The following VWA5A variants were observed in gnomAD, a reference collection of about 807,000 sequenced individuals.
VWA5A encodes von Willebrand factor A domain containing 5A, also known as von Willebrand factor A domain-containing protein 5A.
VWA5A carries 77 observed loss-of-function variants against 84.6 expected under a neutral mutation model. That is an observed-to-expected ratio of 0.91 (90% CI 0.76 to 1.10). VWA5A has a LOEUF of 1.10. Ranked by LOEUF, VWA5A falls within the 50% of genes least tolerant of loss-of-function variation. The pLI, the probability that VWA5A is intolerant of heterozygous loss-of-function variation, is 0.00. For missense variants in VWA5A, 973 were observed against 963.0 expected (o/e 1.01, Z -0.14); for synonymous variants, 334 against 350.1 (o/e 0.95, Z 0.51).
At chr11:124,127,736 T>C (rs1865040568) in intron 11 of VWA5A, among the ~76,000 whole-genome samples, 1 of 152,226 alleles carries the variant, frequency 6.6e-6, no homozygotes, top group African/African-American at 2.4e-5. Flanking sequence ...TATCTCATTG[T>C]GGTTTTGATT....
chr11:124,143,393 T>G (rs1354227635), intron 17 of VWA5A, among the ~76,000 whole-genome samples: 1 of 152,204 alleles, frequency 6.6e-6, no homozygotes, highest in African/African-American at 2.4e-5. Context: ...TTTCAGATAT[T>G]CTGCAATTCC....
intron 8 of VWA5A, 41 bp downstream of exon 8, chr11:124,123,170 G>A (rs1864959170): frequency 6.3e-7 from 1 of 1,592,200 alleles, no homozygotes; most frequent in Non-Finnish European, 8.5e-7. Context: ...ACATGCTCAA[G>A]TGAGGATGAA....
intron 7 of VWA5A, 103 bp from the exon 8 acceptor site, chr11:124,122,857 T>C: frequency 8.4e-7 from 1 of 1,187,670 alleles, no homozygotes; most frequent in Non-Finnish European, 1.2e-6. Context: ...GTTTTAGATT[T>C]GAGTTTTCCT....
intron 11 of VWA5A, among the ~76,000 whole-genome samples, chr11:124,131,612 AT>A (rs1185791727): frequency 1.3e-5 from 2 of 151,908 alleles, no homozygotes; most frequent in Non-Finnish European, 2.9e-5. Flanking sequence ...CTGGATGTTT[AT>A]TTCCATATAG....
rs201184858 is a variant in VWA5A at position 124,142,442 on chromosome 11, G to A, written c.2024G>A (p.Gly675Asp). ...TCTTCTCTTTTCTTTCTCCTCAAAG[G>A]CTTTGGAGAGAATCACCTTGTGCAG... The part of the protein sequence containing the change: ...LISHKDQHSP[G>D]FGENHLVQLI... Residue 675 changes from glycine to aspartate, a missense_variant and splice_region_variant, in exon 17 of 19, where the codon GGC (glycine) becomes GAC (aspartate). Transcript: ENST00000456829. 1 of 1,614,056 alleles carries A rather than the reference G, an allele frequency of 6.2e-7. No homozygotes were observed. Among genetic ancestry groups the A allele is most frequent in the Non-Finnish European group, 8.5e-7 (1 of 1,179,996 alleles).
chr11:124,128,469 T>C (rs1865051238), intron 11 of VWA5A, among the ~76,000 whole-genome samples: 1 of 152,224 alleles, frequency 6.6e-6, no homozygotes, highest in Non-Finnish European at 1.5e-5. Flanking sequence ...TTTATTCTTT[T>C]TGCTTAGGAT....
At chr11:124,135,177 A>G (rs1865156110) in intron 12 of VWA5A, 143 bp downstream of exon 12, 1 of 555,104 alleles carries the variant, frequency 1.8e-6, no homozygotes, top group Non-Finnish European at 3.0e-6. Context: ...TAGGCTGTAT[A>G]CTTAGTCAGG....
In VWA5A at chr11:124,136,981, C is replaced by T. The variant is rs775196417; in HGVS notation, c.1626-34C>T. On this transcript the variant is annotated intron_variant, in intron 14 of 18. Coordinates refer to ENST00000456829, the MANE Select transcript of VWA5A (RefSeq NM_001130142.2). ...GAAACTGGTATATGGATGTCTTTCCCTACATTTCAGTACTTTTTTTTTTTT... is the reference window on the plus strand; with the variant it reads ...GAAACTGGTATATGGATGTCTTTCCTTACATTTCAGTACTTTTTTTTTTTT... 1.9e-5 allele frequency: 30 copies of T among 1,598,802 alleles called. No individual in the cohort carries two copies. In the Middle Eastern group the frequency reaches 7.1e-4, roughly 38 times the overall value.
At chr11:124,118,781 C>A in intron 6 of VWA5A, 73 bp downstream of exon 6, 1 of 1,536,080 alleles carries the variant, frequency 6.5e-7, no homozygotes, top group Non-Finnish European at 8.8e-7. Flanking sequence ...CCAACCAGTT[C>A]TTCCCAAGTG....
chr11:124,143,410 C>T (rs886636168), intron 17 of VWA5A, among the ~76,000 whole-genome samples: 1 of 152,102 alleles, frequency 6.6e-6, no homozygotes, highest in African/African-American at 2.4e-5. Context: ...TTCCACTGTC[C>T]AATACAGTAT....
At chr11:124,136,714 TTCCTTCC>T (rs770905011) in intron 14 of VWA5A, 40 bp downstream of exon 14, 43 of 1,126,918 alleles carry the variant, frequency 3.8e-5, no homozygotes, top group South Asian at 2.4e-4. Context: ...CCTTCCTTCC[TTCCTTCC>T]TTCCTTCCTT....
chr11:124,135,365 T>C (rs1426717127), intron 12 of VWA5A, among the ~76,000 whole-genome samples: 1 of 152,134 alleles, frequency 6.6e-6, no homozygotes, highest in African/African-American at 2.4e-5. Context: ...AGGTCTGCGC[T>C]TTAGAACCTC....
intron 7 of VWA5A, among the ~76,000 whole-genome samples, chr11:124,119,676 T>G (rs1168692321): frequency 6.6e-6 from 1 of 152,210 alleles, no homozygotes; most frequent in Admixed American, 6.5e-5. Context: ...ATGTCTCTTA[T>G]TGGCTAAATT....
At chr11:124,144,973 C>T (rs1440994851) in intron 17 of VWA5A, among the ~76,000 whole-genome samples, 1 of 152,060 alleles carries the variant, frequency 6.6e-6, no homozygotes, top group African/African-American at 2.4e-5. Context: ...CTAGAGCTGG[C>T]CTTGTCTTAG....
intron 17 of VWA5A, 115 bp from the exon 18 acceptor site, chr11:124,145,122 C>G: frequency 7.6e-7 from 1 of 1,320,508 alleles, no homozygotes; most frequent in Non-Finnish European, 1.0e-6. Flanking sequence ...AAAGAGAGAC[C>G]AGGTAACTCC....
intron 12 of VWA5A, among the ~76,000 whole-genome samples, chr11:124,135,522 C>CATTTTT (rs1330618929): frequency 1.2e-5 from 1 of 84,318 alleles, no homozygotes; most frequent in African/African-American, 4.8e-5. Context: ...GGTGGTATTT[C>CATTTTT]TTTTTTTTTT....
At chr11:124,118,895 G>T in intron 6 of VWA5A, 80 bp from the exon 7 acceptor site, 1 of 1,423,440 alleles carries the variant, frequency 7.0e-7, no homozygotes. Context: ...TCTTATGGAG[G>T]AGGACTGCGC....
chr11:124,145,901 A>G lies in VWA5A; in HGVS notation c.2317A>G (p.Thr773Ala). The G allele has an allele frequency of 6.3e-7, 1 of 1,588,844 alleles. No individual in the cohort carries two copies. ...GCCTTCGGTTGTGAAAGCTGCTATT[A>G]CTTTCCTGAAGTCATCTGTGGATCC... ...TMPSVVKAAI[T>A]FLKSSVDPAI... The change falls in exon 19 of 19, where the codon ACT becomes GCT. Residue 773 changes from threonine to alanine, a missense_variant. Coordinates refer to ENST00000456829, the MANE Select transcript of VWA5A (RefSeq NM_001130142.2).
In VWA5A at chr11:124,145,372, A is replaced by C. The variant is rs747662625; in HGVS notation, c.2281+9A>C. 18 of 1,608,526 alleles carry C rather than the reference A, an allele frequency of 1.1e-5. No homozygotes were observed. In the Admixed American group the frequency reaches 3.0e-4, roughly 27 times the overall value. On this transcript the variant is annotated intron_variant, in intron 18 of 18. Coordinates refer to ENST00000456829, the MANE Select transcript of VWA5A (RefSeq NM_001130142.2). ...GATGCGTGCCCATGCAGGTAGGAGCACAATCCTAAGGCCTGTCTCCTTCCC... is the reference window on the plus strand; with the variant it reads ...GATGCGTGCCCATGCAGGTAGGAGCCCAATCCTAAGGCCTGTCTCCTTCCC...
Sources: allele counts gnomAD v4.1 joint callset (sites outside exome capture counted in the v4.1 genomes callset), GRCh38; gene constraint gnomAD v4.1.1; transcripts MANE v1.5; gene names NCBI Gene and HGNC (gene_info 2026-07-23, HGNC 2026-07-21).